VAV2: variants seen among roughly 807,000 people sequenced by gnomAD.
VAV2 encodes guanine nucleotide exchange factor VAV2.
Under a neutral mutation model 132.5 loss-of-function variants are expected in VAV2, and 67 were observed. The ratio of observed to expected loss-of-function variants is 0.51; its 90% CI spans 0.42 to 0.62. VAV2 has a LOEUF of 0.62. Among genes scored for constraint, VAV2 ranks in the 20% least tolerant of loss-of-function variants. The pLI, the probability that VAV2 is intolerant of heterozygous loss-of-function variation, is 0.00. For synonymous variants in VAV2, 492 were observed against 443.5 expected, an observed-to-expected ratio of 1.11 and a Z score of -1.37; for missense variants, 938 against 1,153.6, an observed-to-expected ratio of 0.81 and a Z score of 2.71.
chr9:133,968,918 G>A (rs987414963), intron 1 of VAV2, among the ~76,000 whole-genome samples: 6 of 152,106 alleles, frequency 3.9e-5, no homozygotes, highest in Admixed American at 6.5e-5. Flanking sequence ...GCTATTTCCC[G>A]ATTAAAGCTT....
chr9:133,904,135 G>A (rs1438233829), intron 2 of VAV2, among the ~76,000 whole-genome samples: 2 of 152,192 alleles, frequency 1.3e-5, no homozygotes, highest in Non-Finnish European at 2.9e-5. Context: ...TCACAGATGA[G>A]CGAATGGGGC....
chr9:133,788,235 C>CCCCCCCCCCCCCAA lies in VAV2; in HGVS notation c.1407+118_1407+119insTTGGGGGGGGGGGG. The CCCCCCCCCCCCCAA allele has an allele frequency of 2.0e-6, 2 of 998,870 alleles. No individual in the cohort carries two copies. Among genetic ancestry groups the CCCCCCCCCCCCCAA allele is most frequent in the Non-Finnish European group, 2.9e-6 (2 of 680,470 alleles). 61.9% of individuals were successfully genotyped at this position (998,870 alleles called of 1,614,324 possible). On this transcript the variant is annotated intron_variant, in intron 15 of 29. Coordinates refer to ENST00000371850, the MANE Select transcript of VAV2 (RefSeq NM_001134398.2). The surrounding 1 kb of genome is among the most constrained non-coding windows in gnomAD (Gnocchi z 5.3). ...CAGAGCGGAGACGCCCACCCCAACC[C>CCCCCCCCCCCCCAA]ACCCGGCCAGCATCAGCGGCTGACT... is the stretch of plus-strand genomic sequence containing the variant.
rs942506614 is a variant in VAV2 at position 133,928,392 on chromosome 9, G to A, written c.321+10711C>T. On this transcript the variant is annotated intron_variant, in intron 2 of 29. Transcript: ENST00000371850. The surrounding 1 kb of genome is among the most constrained non-coding windows in gnomAD (Gnocchi z 5.4). The stretch of plus-strand genomic sequence containing the variant: ...CAGCCCCTGCGCCGGGCTCTGCCGG[G>A]AGCCTGAGGCAGCTCCCCACCCCAG... 6.6e-6 allele frequency among the ~76,000 whole-genome samples: 1 copy of A among 152,202 alleles called. No individual in the cohort carries two copies. The highest frequency in any genetic ancestry group is 2.4e-5 in the African/African-American group (1 of 41,446).
chr9:133,819,536 C>T lies in VAV2; in HGVS notation c.450-7320G>A, dbSNP rs544640336. ...CTCTGGGACAGAATCATCTTAAACA[C>T]GCAGACAACATCCCTTCTCTCCCTT... On this transcript the variant is annotated intron_variant, in intron 4 of 29. Transcript: ENST00000371850. 1.3e-4 allele frequency among the ~76,000 whole-genome samples: 20 copies of T among 152,262 alleles called. No individual in the cohort carries two copies. The South Asian group carries it at 2.1e-3, about 16-fold the overall frequency.
chr9:133,856,427 CCCCCA>C (rs1564409667), intron 3 of VAV2, among the ~76,000 whole-genome samples: 5 of 146,494 alleles, frequency 3.4e-5, no homozygotes, highest in African/African-American at 1.4e-4. Context: ...TGGTATGTGC[CCCCCA>C]CCGGGACCCC....
rs1466910766 is a variant in VAV2 at position 133,784,430 on chromosome 9, G to GAAAGAGA, written c.1533-19_1533-13dup. On this transcript the variant is annotated splice_polypyrimidine_tract_variant and intron_variant, in intron 17 of 29. Coordinates refer to ENST00000371850, the MANE Select transcript of VAV2 (RefSeq NM_001134398.2). ...GCTTGATGTTTGACCTGGCAGGAGGGAAAGAGAGCAGATGCTACACCCACT... is the reference window on the plus strand; with the variant it reads ...GCTTGATGTTTGACCTGGCAGGAGGGAAAGAGAAAAGAGAGCAGATGCTACACCCACT... The GAAAGAGA allele has an allele frequency of 6.2e-7, 1 of 1,613,894 alleles. No individual in the cohort carries two copies. The highest frequency in any genetic ancestry group is 1.1e-5 in the South Asian group (1 of 91,066).
chr9:133,850,391 T>A (rs1259112294), intron 3 of VAV2, among the ~76,000 whole-genome samples: 1 of 152,060 alleles, frequency 6.6e-6, no homozygotes, highest in Non-Finnish European at 1.5e-5. Flanking sequence ...ACCAGGCACA[T>A]CCCAAGGCTG....
intron 19 of VAV2, 91 bp downstream of exon 19, chr9:133,783,412 A>G: frequency 7.8e-7 from 1 of 1,275,566 alleles, no homozygotes; most frequent in Admixed American, 1.7e-5. Flanking sequence ...CCCGTGGGAG[A>G]TGGTGCCCGA....
intron 11 of VAV2, 134 bp downstream of exon 11, chr9:133,796,295 C>A (rs1834710412): frequency 4.3e-6 from 3 of 695,140 alleles, no homozygotes; most frequent in African/African-American, 1.8e-5. Flanking sequence ...TGATTATGAG[C>A]TAAGCATGAA....
rs964504794 is a variant in VAV2 at position 133,812,353 on chromosome 9, A to T, written c.450-137T>A. 1.3e-5 allele frequency: 10 copies of T among 770,326 alleles called. No homozygotes were observed. In the African/African-American group the frequency reaches 1.7e-4, roughly 13 times the overall value. The allele number at this position is 770,326 out of a possible 1,614,324, so 47.7% of individuals were successfully genotyped here. On this transcript the variant is annotated intron_variant, in intron 4 of 29. Transcript: ENST00000371850. The stretch of plus-strand genomic sequence containing the variant: ...GTCACCTGCCCGGGCCTCAGTCTAC[A>T]AAGTGGGGTGGGCCCCGCCTGCAGG...
chr9:133,951,635 C>T (rs1841563908), intron 1 of VAV2, among the ~76,000 whole-genome samples: 4 of 152,060 alleles, frequency 2.6e-5, no homozygotes. Flanking sequence ...CCTCAGTTTC[C>T]TCACCTGTCA....
At chr9:133,890,975 AATACTT>A (rs2131970773) in intron 2 of VAV2, among the ~76,000 whole-genome samples, 1 of 152,192 alleles carries the variant, frequency 6.6e-6, no homozygotes, top group Admixed American at 6.5e-5. Flanking sequence ...GATAAACAAA[AATACTT>A]TAAGGTCTTC....
At chr9:133,817,717 CG>C (rs1471684306) in intron 4 of VAV2, among the ~76,000 whole-genome samples, 1 of 152,234 alleles carries the variant, frequency 6.6e-6, no homozygotes, top group East Asian at 1.9e-4. Flanking sequence ...GCTGATCCAG[CG>C]AGTAGAGTGT....
chr9:133,983,693 C>A (rs1303825569), intron 1 of VAV2, among the ~76,000 whole-genome samples: 1 of 152,174 alleles, frequency 6.6e-6, no homozygotes, highest in African/African-American at 2.4e-5. Flanking sequence ...GCCCCGGGTC[C>A]TTCCTACTGA....
intron 3 of VAV2, among the ~76,000 whole-genome samples, chr9:133,844,895 G>A (rs1836869926): frequency 1.3e-5 from 2 of 152,256 alleles, no homozygotes; most frequent in Admixed American, 1.3e-4. Flanking sequence ...CGGTGCCCAT[G>A]AGGGCCCCAG....
chr9:133,893,433 A>C (rs1219744600), intron 2 of VAV2, among the ~76,000 whole-genome samples: 1 of 152,194 alleles, frequency 6.6e-6, no homozygotes. Context: ...GTGGAGGAGG[A>C]GGCCCTAGCG....
intron 1 of VAV2, among the ~76,000 whole-genome samples, chr9:133,981,483 C>T (rs950707001): frequency 1.9e-4 from 29 of 152,176 alleles, no homozygotes; most frequent in African/African-American, 4.8e-4. Context: ...GGAGGGCAGG[C>T]GGCGGGTGAG....
chr9:133,803,020 G>A (rs906396725), intron 9 of VAV2, among the ~76,000 whole-genome samples: 1 of 152,206 alleles, frequency 6.6e-6, no homozygotes, highest in African/African-American at 2.4e-5. Context: ...TGGGGTTTTT[G>A]AGGTGGACCA....
intron 2 of VAV2, among the ~76,000 whole-genome samples, chr9:133,889,341 A>G (rs1838839505): frequency 6.6e-6 from 1 of 151,924 alleles, no homozygotes; most frequent in Non-Finnish European, 1.5e-5. Flanking sequence ...CAGCATGCCC[A>G]CTCTGGGTGC....
Sources: allele counts gnomAD v4.1 joint callset (sites outside exome capture counted in the v4.1 genomes callset), GRCh38; gene constraint gnomAD v4.1.1; non-coding constraint Gnocchi (gnomAD v3.1); transcripts MANE v1.5; gene names NCBI Gene and HGNC (gene_info 2026-07-23, HGNC 2026-07-21).